Variants in NRCAM observed in about 807,000 individuals in gnomAD.
NRCAM encodes the protein NgCAM-related cell adhesion molecule.
Under a neutral mutation model 156.5 loss-of-function variants are expected in NRCAM, and 83 were observed. That is an observed-to-expected ratio of 0.53 (90% CI 0.44 to 0.64). The LOEUF (loss-of-function observed/expected upper bound fraction) is 0.64, where lower values mean the gene tolerates loss of function less well. Among genes scored for constraint, NRCAM ranks in the 30% least tolerant of loss-of-function variants. The pLI is 0.00. For missense variants in NRCAM, 1,417 were observed against 1,597.3 expected (o/e 0.89, Z 1.92); for synonymous variants, 538 against 563.9 (o/e 0.95, Z 0.65).
intron 3 of NRCAM, among the ~76,000 whole-genome samples, chr7:108,247,708 C>T (rs560221794): frequency 1.5e-4 from 22 of 151,630 alleles, no homozygotes; most frequent in African/African-American, 5.3e-4. Flanking sequence ...AGGTAGAGAA[C>T]AGGATGAGAG....
chr7:108,300,281 T>C (rs2098572687), intron 3 of NRCAM, among the ~76,000 whole-genome samples: 2 of 149,868 alleles, frequency 1.3e-5, no homozygotes, highest in Non-Finnish European at 3.0e-5. Flanking sequence ...ATTGTAATAC[T>C]ATGCTAATTT....
chr7:108,433,641 G>A (rs965309572), intron 1 of NRCAM, among the ~76,000 whole-genome samples: 1 of 152,018 alleles, frequency 6.6e-6, no homozygotes, highest in Admixed American at 6.6e-5. Context: ...AAAGAGCCTG[G>A]TGCCTTCCCC....
At chr7:108,251,819 G>C (rs2096368127) in intron 3 of NRCAM, among the ~76,000 whole-genome samples, 1 of 152,172 alleles carries the variant, frequency 6.6e-6, no homozygotes, top group Non-Finnish European at 1.5e-5. Context: ...TGTGTCCAGT[G>C]GGGCCAAGTT....
chr7:108,248,742 C>T (rs1250171330), intron 3 of NRCAM, among the ~76,000 whole-genome samples: 2 of 152,182 alleles, frequency 1.3e-5, no homozygotes. Flanking sequence ...CTTTTGCTCA[C>T]AACCCATTGA....
At chr7:108,371,796 C>T (rs1021369435) in intron 2 of NRCAM, among the ~76,000 whole-genome samples, 2 of 151,874 alleles carry the variant, frequency 1.3e-5, no homozygotes, top group African/African-American at 2.4e-5. Flanking sequence ...TTAATATTAC[C>T]CAAAGTGATC....
intron 5 of NRCAM, among the ~76,000 whole-genome samples, chr7:108,235,226 AG>A (rs2094817352): frequency 6.6e-6 from 1 of 152,210 alleles, no homozygotes; most frequent in African/African-American, 2.4e-5. Flanking sequence ...TAAGTGAATG[AG>A]GAACAAAGAT....
chr7:108,163,750 C>G (rs374934922), intron 30 of NRCAM, among the ~76,000 whole-genome samples: 5 of 146,178 alleles, frequency 3.4e-5, no homozygotes, highest in Admixed American at 1.4e-4. Context: ...GGGAGTGGCG[C>G]TAATGAGCAG....
chr7:108,184,600 A>G lies in NRCAM; in HGVS notation c.2050T>C (p.Tyr684His). The part of the protein sequence containing the change: ...NSPITKFIIE[Y>H]EDAMHKPGLW... Reference sequence around the variant, plus strand: ...CCTGGCTTGTGCATTGCATCTTCATATTCGATGATGAATTCTGGTCACGAC... The same window carrying G: ...CCTGGCTTGTGCATTGCATCTTCATGTTCGATGATGAATTCTGGTCACGAC... The change falls in exon 21 of 33, where the codon TAT becomes CAT. Residue 684 changes from tyrosine (Y) to histidine (H), a missense_variant. Tyr to His is a moderately conservative substitution (Grantham distance 83). Around this residue, in one of 2 missense-constraint regions of NRCAM, gnomAD observed 1,238 missense variants for 1,336.4 expected, o/e 0.93. Transcript: ENST00000379028. The G allele has an allele frequency of 6.2e-7, 1 of 1,612,792 alleles. No homozygotes were observed. The highest frequency in any genetic ancestry group is 2.2e-5 in the East Asian group (1 of 44,858).
intron 3 of NRCAM, among the ~76,000 whole-genome samples, chr7:108,292,432 A>C (rs537078040): frequency 6.6e-6 from 1 of 152,374 alleles, no homozygotes; most frequent in South Asian, 2.1e-4. Context: ...TAACCTGAAA[A>C]CATGGATGCA....
intron 2 of NRCAM, among the ~76,000 whole-genome samples, chr7:108,362,753 T>C (rs572788789): frequency 6.6e-6 from 1 of 152,282 alleles, no homozygotes; most frequent in African/African-American, 2.4e-5. Flanking sequence ...CTTAGCCAAA[T>C]ATACAGATGG....
At chr7:108,436,234 TAA>T (rs58868569) in intron 1 of NRCAM, among the ~76,000 whole-genome samples, 37,433 of 151,822 alleles carry the variant, frequency 0.25, 4,919 homozygotes, top group Non-Finnish European at 0.29. Context: ...CTACAGAGAT[TAA>T]AAGATTCTTC....
At chr7:108,280,632 G>A (rs116162183) in intron 3 of NRCAM, among the ~76,000 whole-genome samples, 1,799 of 152,284 alleles carry the variant, frequency 0.012, 29 homozygotes, top group African/African-American at 0.04. Context: ...AGTTTCTTTG[G>A]TGCTACTGAA....
chr7:108,412,811 T>C (rs925279473), intron 1 of NRCAM, among the ~76,000 whole-genome samples: 1 of 152,238 alleles, frequency 6.6e-6, no homozygotes, highest in African/African-American at 2.4e-5. Flanking sequence ...TGTCTTTCTG[T>C]GCCTGGCTTA....
intron 28 of NRCAM, among the ~76,000 whole-genome samples, chr7:108,173,703 A>C (rs2059411451): frequency 6.6e-6 from 1 of 152,172 alleles, no homozygotes; most frequent in African/African-American, 2.4e-5. Context: ...TTTCTTATCT[A>C]AGATCCATCA....
intron 12 of NRCAM, among the ~76,000 whole-genome samples, chr7:108,208,252 G>A (rs2153576512): frequency 6.6e-6 from 1 of 152,140 alleles, no homozygotes; most frequent in Non-Finnish European, 1.5e-5. Context: ...GTTGCAGTGA[G>A]CCAAGATAGC....
Position 108,159,683 on chromosome 7 carries a change from C to T in NRCAM, c.3599-142G>A, listed in dbSNP as rs148119586. The T allele has an allele frequency of 6.4e-5, 39 of 613,206 alleles. No homozygotes were observed. The African/African-American group carries it at 6.5e-4, about 10-fold the overall frequency. The allele number at this position is 613,206 out of a possible 1,614,324, so 38.0% of individuals were successfully genotyped here. A position where few individuals can be genotyped will look rare whatever the true frequency, so the allele number is the denominator to read the frequency against. ...TGTTGTATAACCATATATATGGTGGCCATGCATATATTTTGGTATTTTAGT... is the reference window on the plus strand; with the variant it reads ...TGTTGTATAACCATATATATGGTGGTCATGCATATATTTTGGTATTTTAGT... On this transcript the variant is annotated intron_variant, in intron 31 of 32. Transcript: ENST00000379028.
At chr7:108,414,801 G>A (rs1396715564) in intron 1 of NRCAM, among the ~76,000 whole-genome samples, 5 of 152,158 alleles carry the variant, frequency 3.3e-5, no homozygotes, top group Admixed American at 3.3e-4. Context: ...AAGGGGGGAA[G>A]ACTGCAGGGA....
intron 11 of NRCAM, among the ~76,000 whole-genome samples, chr7:108,214,065 G>A (rs148203594): frequency 2.6e-4 from 39 of 152,112 alleles, no homozygotes; most frequent in Non-Finnish European, 5.3e-4. Context: ...TTCTACTTTC[G>A]TTGTGTCTCT....
chr7:108,306,138 T>C (rs1220758903), intron 3 of NRCAM, among the ~76,000 whole-genome samples: 1 of 152,196 alleles, frequency 6.6e-6, no homozygotes, highest in Non-Finnish European at 1.5e-5. Flanking sequence ...TGAATAGTCT[T>C]GTCACTAATA....
Sources: gnomAD v4.1 joint callset for allele counts (sites outside exome capture counted in the v4.1 genomes callset) on GRCh38, gnomAD v4.1.1 for gene constraint, gnomAD v4.1.1 regional missense constraint, MANE v1.5 for transcripts, NCBI Gene and HGNC (gene_info 2026-07-23, HGNC 2026-07-21) for gene names.